The following NAV3 variants were observed in gnomAD, a reference collection of about 807,000 sequenced individuals.
NAV3 encodes pore membrane and/or filament interacting like protein 1.
Under a neutral mutation model 244.7 loss-of-function variants are expected in NAV3, and 87 were observed. The ratio of observed to expected loss-of-function variants is 0.36; its 90% CI spans 0.30 to 0.42. The LOEUF is 0.42. Among genes scored for constraint, NAV3 ranks in the 20% least tolerant of loss-of-function variants. The pLI is 1.00. For synonymous variants in NAV3, 1,126 were observed against 1,042.2 expected, an observed-to-expected ratio of 1.08 and a Z score of -1.55; for missense variants, 2,663 against 2,893.3, an observed-to-expected ratio of 0.92 and a Z score of 1.83.
At chr12:77,856,114 C>A (rs2136290607) in intron 1 of NAV3, among the ~76,000 whole-genome samples, 1 of 152,038 alleles carries the variant, frequency 6.6e-6, no homozygotes, top group African/African-American at 2.4e-5. Context: ...CTTTATTGTA[C>A]ATATGTTGTG....
At chr12:78,031,399 G>A (rs1878961069) in intron 9 of NAV3, among the ~76,000 whole-genome samples, 2 of 152,092 alleles carry the variant, frequency 1.3e-5, no homozygotes, top group South Asian at 2.1e-4. Flanking sequence ...GAGCCAATGA[G>A]AACAATCTAT....
At chr12:77,972,271 T>C (rs969871084) in intron 5 of NAV3, among the ~76,000 whole-genome samples, 5 of 152,276 alleles carry the variant, frequency 3.3e-5, no homozygotes, top group African/African-American at 1.2e-4. Context: ...ACCTCAGGAA[T>C]CAGACTGCCA....
At chr12:77,859,905 T>G (rs936520883) in intron 1 of NAV3, among the ~76,000 whole-genome samples, 1 of 151,858 alleles carries the variant, frequency 6.6e-6, no homozygotes, top group Non-Finnish European at 1.5e-5. Context: ...TTTCTCCTTA[T>G]CACACCATCA....
intron 2 of NAV3, among the ~76,000 whole-genome samples, chr12:77,718,094 GT>G (rs776437327): frequency 7.2e-4 from 110 of 152,068 alleles, no homozygotes; most frequent in Non-Finnish European, 8.2e-4. Flanking sequence ...AGTGACAGTT[GT>G]TTTATTTTGC....
chr12:78,035,858 C>T (rs1879780514), intron 9 of NAV3, among the ~76,000 whole-genome samples: 1 of 152,132 alleles, frequency 6.6e-6, no homozygotes, highest in South Asian at 2.1e-4. Flanking sequence ...AGCATTATCT[C>T]CTAGCGGGTG....
chr12:78,176,996 A>C, intron 26 of NAV3, 145 bp from the exon 27 acceptor site: 1 of 705,804 alleles, frequency 1.4e-6, no homozygotes, highest in South Asian at 1.8e-5. Flanking sequence ...TTTTTTTTAG[A>C]GATACTGTGC....
rs551884214 is a variant in NAV3 at position 77,778,885 on chromosome 12, G to T, written c.73-161434G>T. 3.3e-5 allele frequency among the ~76,000 whole-genome samples: 5 copies of T among 152,246 alleles called. No individual in the cohort carries two copies. The East Asian group carries it at 9.7e-4, about 29-fold the overall frequency. Reference sequence around the variant, plus strand: ...TTTGGGACAAAAAGAAGCTGAATCCGTTTGTTTAGTGATTATTGAGATTGA... The same window carrying T: ...TTTGGGACAAAAAGAAGCTGAATCCTTTTGTTTAGTGATTATTGAGATTGA... On this transcript the variant is annotated intron_variant, in intron 2 of 8. Coordinates refer to the NAV3 transcript ENST00000550042.
intron 2 of NAV3, among the ~76,000 whole-genome samples, chr12:77,674,714 T>C (rs2137089159): frequency 6.6e-6 from 1 of 152,292 alleles, no homozygotes; most frequent in East Asian, 1.9e-4. Context: ...AACTCAGTGG[T>C]TTTTGTTAAG....
At chr12:78,157,759 G>A (rs555896229) in intron 22 of NAV3, among the ~76,000 whole-genome samples, 1 of 151,502 alleles carries the variant, frequency 6.6e-6, no homozygotes, top group African/African-American at 2.4e-5. Context: ...CAAGGGTAAG[G>A]GTATGTGGAG....
intron 36 of NAV3, among the ~76,000 whole-genome samples, chr12:78,198,921 A>C (rs1959296911): frequency 9.3e-6 from 1 of 107,110 alleles, no homozygotes; most frequent in Non-Finnish European, 1.8e-5. Context: ...ACAAAAACAA[A>C]AAAAAAAAAA....
At position 78,133,352 on chromosome 12, in the gene NAV3, C is replaced by G. The variant is rs570005372; in HGVS notation, c.4442-3825C>G. On this transcript the variant is annotated intron_variant, in intron 18 of 39. Coordinates refer to ENST00000397909, the MANE Select transcript of NAV3 (RefSeq NM_001024383.2). ...TTCATTGGGCAAGAAAATGAGTACT[C>G]TTAAAATGCAATAATAAATTAAAGT... Among the ~76,000 whole-genome samples, 3 of 151,596 alleles carry G rather than the reference C, an allele frequency of 2.0e-5. No homozygotes were observed. In the East Asian group the frequency reaches 5.8e-4, roughly 29 times the overall value.
At chr12:77,701,336 T>C (rs1434859605) in intron 2 of NAV3, among the ~76,000 whole-genome samples, 1 of 151,970 alleles carries the variant, frequency 6.6e-6, no homozygotes, top group African/African-American at 2.4e-5. Flanking sequence ...ATTAGCAGAA[T>C]GTTAGCCATA....
chr12:77,777,151 A>G (rs1313866702), intron 2 of NAV3, among the ~76,000 whole-genome samples: 1 of 152,164 alleles, frequency 6.6e-6, no homozygotes, highest in Non-Finnish European at 1.5e-5. Flanking sequence ...ACCAAACCCT[A>G]TATATTTGCT....
Position 78,197,231 on chromosome 12 carries a change from C to A in NAV3, c.6292-16C>A. ...AATTTATCACTGACGTATCTGTTTT[C>A]TTCATTTTTTAAAAGGAATTGCAAC... On this transcript the variant is annotated splice_polypyrimidine_tract_variant and intron_variant, in intron 34 of 39. Transcript: ENST00000397909. 1 of 1,508,614 alleles carries A rather than the reference C, an allele frequency of 6.6e-7. No homozygotes were observed. Among genetic ancestry groups the A allele is most frequent in the Admixed American group, 2.1e-5 (1 of 48,756 alleles). The allele number at this position is 1,508,614 out of a possible 1,614,324, so 93.5% of individuals were successfully genotyped here.
chr12:77,808,866 G>T (rs1344461020), intron 2 of NAV3, among the ~76,000 whole-genome samples: 2 of 152,218 alleles, frequency 1.3e-5, no homozygotes, highest in African/African-American at 4.8e-5. Context: ...TTTCAGATAT[G>T]CCGTCTCAGA....
At chr12:77,807,712 G>A (rs1872056606) in intron 2 of NAV3, among the ~76,000 whole-genome samples, 1 of 152,146 alleles carries the variant, frequency 6.6e-6, no homozygotes, top group African/African-American at 2.4e-5. Context: ...TCCTGAATTT[G>A]AATGTTGGCC....
intron 2 of NAV3, among the ~76,000 whole-genome samples, chr12:77,672,995 G>C (rs923398700): frequency 6.6e-6 from 1 of 151,898 alleles, no homozygotes; most frequent in Non-Finnish European, 1.5e-5. Context: ...CACTTTTTTC[G>C]TGATATGTAT....
chr12:77,849,611 C>A (rs1877187752), intron 1 of NAV3, among the ~76,000 whole-genome samples: 1 of 152,092 alleles, frequency 6.6e-6, no homozygotes, highest in Non-Finnish European at 1.5e-5. Flanking sequence ...ACATAAATTT[C>A]TTGTTTAGAC....
chr12:77,886,062 G>C (rs981524380), intron 1 of NAV3, among the ~76,000 whole-genome samples: 1 of 151,808 alleles, frequency 6.6e-6, no homozygotes, highest in African/African-American at 2.4e-5. Flanking sequence ...CTCTCTAAAG[G>C]CACCTTGTTG....
Sources: allele counts gnomAD v4.1 joint callset (sites outside exome capture counted in the v4.1 genomes callset), GRCh38; gene constraint gnomAD v4.1.1; transcripts MANE v1.5; gene names NCBI Gene and HGNC (gene_info 2026-07-23, HGNC 2026-07-21).